Variants in FLRT3 observed in about 807,000 individuals in gnomAD.
FLRT3 encodes the protein fibronectin leucine rich transmembrane protein 3, also known as leucine-rich repeat transmembrane protein FLRT3.
Under a neutral mutation model 42.6 loss-of-function variants are expected in FLRT3, and 17 were observed. The ratio of observed to expected loss-of-function variants is 0.40; its 90% confidence interval spans 0.27 to 0.60. The LOEUF (loss-of-function observed/expected upper bound fraction) is 0.60, where lower values mean the gene tolerates loss of function less well. FLRT3 is among the 20% of genes least tolerant of loss of function. FLRT3 has a pLI of 0.44. For missense variants in FLRT3, 635 were observed against 789.2 expected, an observed-to-expected ratio of 0.80 and a Z score of 2.34; for synonymous variants, 279 against 286.4, an observed-to-expected ratio of 0.97 and a Z score of 0.26.
At chr20:14,335,255 TC>T (rs1359632047) in intron 1 of FLRT3, among the ~76,000 whole-genome samples, 1 of 152,174 alleles carries the variant, frequency 6.6e-6, no homozygotes, top group East Asian at 1.9e-4. Flanking sequence ...GGGTCTTGTG[TC>T]CCTAGGCAGG....
chr20:14,326,161 A>G lies in FLRT3; in HGVS notation c.1346T>C (p.Phe449Ser), dbSNP rs1245067468. 2 of 1,613,752 alleles carry G rather than the reference A, an allele frequency of 1.2e-6. No individual in the cohort carries two copies. The highest frequency in any genetic ancestry group is 2.7e-5 in the African/African-American group (2 of 74,902). Residue 449 changes from phenylalanine to serine, a missense_variant, in exon 3 of 3, where the codon TTT (phenylalanine) becomes TCT (serine). Physicochemically the swap from Phe to Ser is radical, Grantham distance 155 (BLOSUM62 -2). Coordinates refer to ENST00000341420, the MANE Select transcript of FLRT3 (RefSeq NM_198391.3). This position sits in a 1 kb window ranked among gnomAD's most constrained non-coding sequence, Gnocchi z 5.5. ...TACAATTGTTTCTGTTATAGATCCA[A>G]ATGCCGGGCTATGGCCCAGTTTAAG... ...SWLKLGHSPA[F>S]GSITETIVTG...
At chr20:14,333,747 C>T (rs1354509217) in intron 1 of FLRT3, among the ~76,000 whole-genome samples, 3 of 152,110 alleles carry the variant, frequency 2.0e-5, no homozygotes, top group Admixed American at 1.3e-4. Context: ...CTATACTGGT[C>T]GGTGAGACCA....
At chr20:14,334,759 G>T (rs909809729) in intron 1 of FLRT3, among the ~76,000 whole-genome samples, 1 of 151,780 alleles carries the variant, frequency 6.6e-6, no homozygotes, top group African/African-American at 2.4e-5. Flanking sequence ...TTTATTTATG[G>T]TAGTCTTCAT....
chr20:14,326,773 G>A lies in FLRT3; in HGVS notation c.734C>T (p.Pro245Leu). 6.2e-7 allele frequency: 1 copy of A among 1,613,776 alleles called. No homozygotes were observed. Among genetic ancestry groups the A allele is most frequent in the Non-Finnish European group, 8.5e-7 (1 of 1,179,802 alleles). Residue 245 changes from proline (P) to leucine (L), a missense_variant, in exon 3 of 3, where the codon CCA becomes CTA. By Grantham distance (98) the Pro-to-Leu change is moderately conservative. Transcript: ENST00000341420. This position sits in a 1 kb window ranked among gnomAD's most constrained non-coding sequence, Gnocchi z 5.5. The part of the protein sequence containing the change: ...NSLTAAPVNL[P>L]GTNLRKLYLQ... ...ATAAAGCTTCCTCAGGTTTGTGCCT[G>A]GAAGGTTTACTGGTGCAGCAGTCAG...
At chr20:14,335,777 CA>C (rs370340767) in intron 1 of FLRT3, among the ~76,000 whole-genome samples, 16 of 152,152 alleles carry the variant, frequency 1.1e-4, no homozygotes, top group African/African-American at 3.9e-4. Context: ...TTGTGCTCTT[CA>C]AAAAATCAAA....
chr20:14,330,021 T>G (rs2082804673), intron 1 of FLRT3, among the ~76,000 whole-genome samples: 1 of 151,994 alleles, frequency 6.6e-6, no homozygotes, highest in African/African-American at 2.4e-5. Context: ...TGTTCTAATT[T>G]TCTTTTAGCA....
intron 1 of FLRT3, among the ~76,000 whole-genome samples, chr20:14,336,931 C>T (rs943434598): frequency 1.3e-5 from 2 of 152,168 alleles, no homozygotes; most frequent in Non-Finnish European, 2.9e-5. Context: ...AGTAGCTCGG[C>T]TAGCTGTGAG....
At chr20:14,336,703 T>C (rs1007591358) in intron 1 of FLRT3, among the ~76,000 whole-genome samples, 4 of 152,212 alleles carry the variant, frequency 2.6e-5, no homozygotes, top group African/African-American at 9.6e-5. Context: ...CCATTTACTA[T>C]GCTAGTCACA....
chr20:14,332,103 A>G (rs2082853422), intron 1 of FLRT3, among the ~76,000 whole-genome samples: 1 of 152,174 alleles, frequency 6.6e-6, no homozygotes, highest in African/African-American at 2.4e-5. Context: ...TTAAAACTGT[A>G]GTAAAAAGAA....
At chr20:14,333,770 A>C (rs1182328484) in intron 1 of FLRT3, among the ~76,000 whole-genome samples, 3 of 152,192 alleles carry the variant, frequency 2.0e-5, no homozygotes, top group Non-Finnish European at 4.4e-5. Context: ...TGAAATCATA[A>C]AATACATTGT....
intron 1 of FLRT3, among the ~76,000 whole-genome samples, chr20:14,330,408 G>A (rs1358205141): frequency 1.3e-5 from 2 of 151,958 alleles, no homozygotes; most frequent in Non-Finnish European, 2.9e-5. Flanking sequence ...AAGGACTAAA[G>A]TAGTAGCAAT....
rs540960875 is a variant in FLRT3 at position 14,332,594 on chromosome 20, A to G, written c.-246-3267T>C. Among the ~76,000 whole-genome samples the G allele has an allele frequency of 2.0e-5, 3 of 152,220 alleles. No homozygotes were observed. The East Asian group carries it at 5.8e-4, about 29-fold the overall frequency. On this transcript the variant is annotated intron_variant, in intron 1 of 2. Transcript: ENST00000341420. ...TTTTAAAAATATTAATTCAAGTATAAGGTTTTGAGATTATAGTTTATTTTT... is the reference window on the plus strand; with the variant it reads ...TTTTAAAAATATTAATTCAAGTATAGGGTTTTGAGATTATAGTTTATTTTT...
intron 2 of FLRT3, among the ~76,000 whole-genome samples, chr20:14,328,301 A>T (rs1029487902): frequency 2.6e-5 from 4 of 152,094 alleles, no homozygotes; most frequent in African/African-American, 9.7e-5. Context: ...TTCATATTAA[A>T]TTCTGTCTTT....
In FLRT3 at chr20:14,326,950, C is replaced by T. The variant is rs990142592; in HGVS notation, c.557G>A (p.Arg186His). 3.1e-6 allele frequency: 5 copies of T among 1,613,530 alleles called. No homozygotes were observed. The highest frequency in any genetic ancestry group is 1.3e-5 in the African/African-American group (1 of 74,852). The change falls in exon 3 of 3, where the codon CGC (arginine) becomes CAC (histidine). Residue 186 changes from arginine (R) to histidine (H), a missense_variant. Physicochemically the swap from Arg to His is conservative, Grantham distance 29 (BLOSUM62 0). Coordinates refer to ENST00000341420, the MANE Select transcript of FLRT3 (RefSeq NM_198391.3). This position sits in a 1 kb window ranked among gnomAD's most constrained non-coding sequence, Gnocchi z 5.5. The part of the protein sequence containing the change: ...TIEELRLDDN[R>H]ISTISSPSLQ... Reference sequence around the variant, plus strand: ...AGATGGTGATGAAATAGTGGATATGCGATTATCATCCAAGCGTAGTTCTTC... The same window carrying T: ...AGATGGTGATGAAATAGTGGATATGTGATTATCATCCAAGCGTAGTTCTTC...
intron 1 of FLRT3, among the ~76,000 whole-genome samples, chr20:14,335,910 T>G (rs2082928074): frequency 6.6e-6 from 1 of 152,188 alleles, no homozygotes; most frequent in Admixed American, 6.5e-5. Flanking sequence ...ATATCTCTGA[T>G]TTAATTTTCC....
intron 2 of FLRT3, among the ~76,000 whole-genome samples, chr20:14,328,239 GGAAA>G (rs2082770354): frequency 6.6e-6 from 1 of 151,950 alleles, no homozygotes; most frequent in Admixed American, 6.6e-5. Flanking sequence ...TTTATTTTTG[GGAAA>G]GAATTACAAA....
intron 1 of FLRT3, among the ~76,000 whole-genome samples, chr20:14,337,062 T>C (rs1425168865): frequency 2.0e-5 from 3 of 152,206 alleles, no homozygotes; most frequent in Non-Finnish European, 4.4e-5. Context: ...CCAAGTTGCT[T>C]TCCTATCTGT....
At position 14,325,503 on chromosome 20, in the gene FLRT3, C is replaced by G; in HGVS notation, c.*54G>C. ...CAGTAGAACAGGGTTCCTACCATCA[C>G]CTCCCTTAGGTTTAAAAAACCCAAA... On this transcript the variant is annotated 3_prime_UTR_variant, in exon 3 of 3. Coordinates refer to ENST00000341420, the MANE Select transcript of FLRT3 (RefSeq NM_198391.3). 6.5e-7 allele frequency: 1 copy of G among 1,538,544 alleles called. No homozygotes were observed. Among genetic ancestry groups the G allele is most frequent in the South Asian group, 1.3e-5 (1 of 76,932 alleles).
At chr20:14,328,456 T>TC (rs1400396773) in intron 2 of FLRT3, among the ~76,000 whole-genome samples, 1 of 152,130 alleles carries the variant, frequency 6.6e-6, no homozygotes. Context: ...ATCAACTTTT[T>TC]CTATGGCTGG....
Sources: allele counts gnomAD v4.1 joint callset (sites outside exome capture counted in the v4.1 genomes callset), GRCh38; gene constraint gnomAD v4.1.1; non-coding constraint Gnocchi (gnomAD v3.1); transcripts MANE v1.5; gene names NCBI Gene and HGNC (gene_info 2026-07-23, HGNC 2026-07-21).